SDK1: variants seen among roughly 807,000 people sequenced by gnomAD.
SDK1 encodes the protein protein sidekick-1.
SDK1 carries 157 observed loss-of-function variants against 245.5 expected under a neutral mutation model. The observed-to-expected ratio is 0.64, with a 90% confidence interval of 0.56 to 0.73. The LOEUF is 0.73. Ranked by LOEUF, SDK1 falls within the 30% of genes least tolerant of loss-of-function variation. The probability of loss-of-function intolerance (pLI) is 0.00; values close to 1 mark genes in which losing one functional copy is unlikely to be tolerated. For missense variants in SDK1, 3,583 were observed against 3,002.3 expected, an observed-to-expected ratio of 1.19 and a Z score of -4.52; for synonymous variants, 1,647 against 1,278.5, an observed-to-expected ratio of 1.29 and a Z score of -6.15.
intron 1 of SDK1, among the ~76,000 whole-genome samples, chr7:3,597,427 A>G (rs1158229361): frequency 6.6e-6 from 1 of 152,216 alleles, no homozygotes; most frequent in South Asian, 2.1e-4. Flanking sequence ...CTCAAATCCC[A>G]CTGGGAAATA....
At chr7:3,801,281 A>T (rs1173722340) in intron 4 of SDK1, among the ~76,000 whole-genome samples, 1 of 152,160 alleles carries the variant, frequency 6.6e-6, no homozygotes, top group Non-Finnish European at 1.5e-5. Context: ...GTTAATGAAA[A>T]CTTTTCTAAT....
At chr7:3,993,235 C>G (rs916411453) in intron 14 of SDK1, among the ~76,000 whole-genome samples, 9 of 152,230 alleles carry the variant, frequency 5.9e-5, no homozygotes, top group Admixed American at 2.6e-4. Context: ...AGAGGCCATC[C>G]TAGTTCTCAA....
intron 4 of SDK1, among the ~76,000 whole-genome samples, chr7:3,722,593 C>T (rs865888843): frequency 6.6e-6 from 1 of 152,266 alleles, no homozygotes; most frequent in African/African-American, 2.4e-5. Context: ...TGTGTGTACG[C>T]GCCTTAGCAC....
chr7:3,445,400 A>T (rs949564803), intron 1 of SDK1, among the ~76,000 whole-genome samples: 4 of 152,192 alleles, frequency 2.6e-5, no homozygotes, highest in Non-Finnish European at 5.9e-5. Flanking sequence ...CTGTGGAAGG[A>T]AATTGTGCTG....
intron 23 of SDK1, among the ~76,000 whole-genome samples, chr7:4,111,338 G>A (rs1783330129): frequency 6.6e-6 from 1 of 152,168 alleles, no homozygotes; most frequent in South Asian, 2.1e-4. Flanking sequence ...TTCCCGTAAG[G>A]CCTTTGAAGG....
rs1378271594 is a variant in SDK1 at position 3,714,224 on chromosome 7, C to A, written c.713+72119C>A. ...GAAAAACTCAGAGGCTGCAGATAGA[C>A]CAGGAGGTAGAGGCCTTGATCACTC... On this transcript the variant is annotated intron_variant, in intron 4 of 44. Transcript: ENST00000404826. Among the ~76,000 whole-genome samples, 4 of 152,250 alleles carry A rather than the reference C, an allele frequency of 2.6e-5. No individual in the cohort carries two copies. The East Asian group carries it at 5.8e-4, about 22-fold the overall frequency.
At chr7:3,344,959 A>G (rs1780454834) in intron 1 of SDK1, among the ~76,000 whole-genome samples, 1 of 152,212 alleles carries the variant, frequency 6.6e-6, no homozygotes, top group Admixed American at 6.5e-5. Flanking sequence ...CACACAGGGT[A>G]GTGCTTTGGG....
chr7:3,783,521 T>C (rs920562927), intron 4 of SDK1, among the ~76,000 whole-genome samples: 3 of 150,590 alleles, frequency 2.0e-5, no homozygotes, highest in African/African-American at 7.3e-5. Flanking sequence ...ATATTACAGT[T>C]GCAGGATACA....
chr7:3,378,871 T>C (rs1781416061), intron 1 of SDK1, among the ~76,000 whole-genome samples: 1 of 152,118 alleles, frequency 6.6e-6, no homozygotes, highest in African/African-American at 2.4e-5. Flanking sequence ...TCGGCTCTGC[T>C]GTCTTCCTTG....
chr7:4,241,467 T>A (rs1011578524), intron 42 of SDK1, among the ~76,000 whole-genome samples: 1 of 152,206 alleles, frequency 6.6e-6, no homozygotes, highest in Admixed American at 6.5e-5. Context: ...AGACCCCATC[T>A]CTACCAAAAC....
chr7:3,727,492 G>T (rs943943409), intron 4 of SDK1, among the ~76,000 whole-genome samples: 1 of 152,004 alleles, frequency 6.6e-6, no homozygotes, highest in Admixed American at 6.6e-5. Flanking sequence ...GCCAGGGAGA[G>T]AATTTTCTTT....
At chr7:3,698,017 C>T (rs947783513) in intron 4 of SDK1, among the ~76,000 whole-genome samples, 2 of 152,116 alleles carry the variant, frequency 1.3e-5, no homozygotes, top group African/African-American at 4.8e-5. Flanking sequence ...CATCTCTGAG[C>T]TTTCCGTTTC....
At chr7:3,941,617 C>T (rs1780370645) in intron 5 of SDK1, among the ~76,000 whole-genome samples, 1 of 152,196 alleles carries the variant, frequency 6.6e-6, no homozygotes, top group Non-Finnish European at 1.5e-5. Flanking sequence ...CCAATTTCTC[C>T]TGGAAGAACT....
intron 30 of SDK1, among the ~76,000 whole-genome samples, chr7:4,149,748 G>T (rs544752218): frequency 4.6e-5 from 7 of 152,244 alleles, no homozygotes; most frequent in African/African-American, 1.7e-4. Context: ...CAGGGGTGAT[G>T]GGGGGCAGGC....
At chr7:3,589,674 G>A (rs1221705896) in intron 1 of SDK1, among the ~76,000 whole-genome samples, 3 of 152,174 alleles carry the variant, frequency 2.0e-5, no homozygotes, top group East Asian at 1.9e-4. Flanking sequence ...CAGAGGAACT[G>A]CCCTTTATAA....
At chr7:3,946,431 C>A (rs1162755554) in intron 5 of SDK1, among the ~76,000 whole-genome samples, 1 of 152,164 alleles carries the variant, frequency 6.6e-6, no homozygotes, top group Non-Finnish European at 1.5e-5. Flanking sequence ...CCTCCCACCT[C>A]AGCGTCCTGA....
chr7:3,312,146 A>G (rs1017443629), intron 1 of SDK1, among the ~76,000 whole-genome samples: 1 of 152,186 alleles, frequency 6.6e-6, no homozygotes, highest in African/African-American at 2.4e-5. Flanking sequence ...TGCACCTCAT[A>G]ATTGGGGTGG....
At chr7:3,415,998 C>T (rs191414052) in intron 1 of SDK1, among the ~76,000 whole-genome samples, 15 of 152,156 alleles carry the variant, frequency 9.9e-5, no homozygotes, top group Non-Finnish European at 1.8e-4. Context: ...ATTACCAGAG[C>T]AGTTCCATAT....
chr7:3,572,247 C>T (rs1277148465), intron 1 of SDK1, among the ~76,000 whole-genome samples: 2 of 151,996 alleles, frequency 1.3e-5, no homozygotes, highest in African/African-American at 4.8e-5. Flanking sequence ...GTTTCTTTGT[C>T]AGACCTTTAG....
Sources: allele counts gnomAD v4.1 joint callset (sites outside exome capture counted in the v4.1 genomes callset), GRCh38; gene constraint gnomAD v4.1.1; transcripts MANE v1.5; gene names NCBI Gene and HGNC (gene_info 2026-07-23, HGNC 2026-07-21).